Variants in PIGU observed in about 807,000 individuals in gnomAD.
PIGU encodes the protein GPI-anchor transamidase component PIGU.
PIGU carries 24 observed loss-of-function variants against 49.9 expected under a neutral mutation model. That is an observed-to-expected ratio of 0.48 (90% CI 0.35 to 0.68). PIGU has a LOEUF of 0.68. Among genes scored for constraint, PIGU ranks in the 30% least tolerant of loss-of-function variants. PIGU has a pLI of 0.01. For missense variants in PIGU, 490 were observed against 532.6 expected, an observed-to-expected ratio of 0.92 and a Z score of 0.79; for synonymous variants, 220 against 205.7, an observed-to-expected ratio of 1.07 and a Z score of -0.59.
intron 2 of PIGU, among the ~76,000 whole-genome samples, chr20:34,646,414 G>A (rs1364713612): frequency 1.3e-5 from 2 of 151,944 alleles, no homozygotes; most frequent in Non-Finnish European, 2.9e-5. Context: ...GTTTTGATAC[G>A]TTGGATTTTT....
rs141946785 is a variant in PIGU, at chr20:34,606,670, T to C, written c.627+9372A>G. On this transcript the variant is annotated intron_variant, in intron 7 of 11. Transcript: ENST00000217446. Reference sequence around the variant, plus strand: ...TTGTACTGCCTCATGCCAAGCACTATATATATCATGTCAAGTTGTTCCACT... The same window carrying C: ...TTGTACTGCCTCATGCCAAGCACTACATATATCATGTCAAGTTGTTCCACT... Among the ~76,000 whole-genome samples, 4 of 152,366 alleles carry C rather than the reference T, an allele frequency of 2.6e-5. No individual in the cohort carries two copies. The East Asian group carries it at 7.7e-4, about 29-fold the overall frequency.
intron 4 of PIGU, among the ~76,000 whole-genome samples, chr20:34,638,186 T>C (rs899135167): frequency 1.3e-5 from 2 of 152,144 alleles, no homozygotes; most frequent in African/African-American, 4.8e-5. Flanking sequence ...GTCCCTCCTT[T>C]TCCCACACCT....
chr20:34,675,441 G>T (rs956752602), intron 1 of PIGU, among the ~76,000 whole-genome samples: 1 of 152,000 alleles, frequency 6.6e-6, no homozygotes, highest in East Asian at 1.9e-4. Context: ...AAAATAATAC[G>T]CAGAGGTAAC....
chr20:34,634,533 C>A (rs531144942), intron 6 of PIGU, 82 bp downstream of exon 6: 19,905 of 1,338,020 alleles, frequency 0.015, 93 homozygotes, highest in South Asian at 0.034. Context: ...AAAAAAAAAA[C>A]AAAACAAAAC....
intron 7 of PIGU, among the ~76,000 whole-genome samples, chr20:34,601,191 G>A (rs913431291): frequency 6.6e-6 from 1 of 152,124 alleles, no homozygotes; most frequent in Non-Finnish European, 1.5e-5. Context: ...TGCTCTCAGT[G>A]TTAGACTGGA....
chr20:34,663,432 A>G (rs1986988955), intron 1 of PIGU, among the ~76,000 whole-genome samples: 1 of 152,066 alleles, frequency 6.6e-6, no homozygotes. Flanking sequence ...AGTCATGATC[A>G]TGCTACTGCA....
chr20:34,562,655 C>T, intron 11 of PIGU: 1 of 1,013,684 alleles, frequency 9.9e-7, no homozygotes, highest in South Asian at 1.3e-5. Flanking sequence ...ACCTGGAGCA[C>T]TGGACTAATG....
chr20:34,640,537 C>CACACA (rs1555801709), intron 4 of PIGU, among the ~76,000 whole-genome samples: 447 of 35,348 alleles, frequency 0.013, 1 homozygote, highest in Non-Finnish European at 0.02. Context: ...ACACACACAC[C>CACACA]CCTTAAGAAA....
chr20:34,638,180 C>G (rs1288233595), intron 4 of PIGU, among the ~76,000 whole-genome samples, 195 bp from the exon 5 acceptor site: 1 of 152,190 alleles, frequency 6.6e-6, no homozygotes. Flanking sequence ...TGCTGTGTCC[C>G]TCCTTTTCCC....
At chr20:34,638,069 T>C (rs927069215) in intron 4 of PIGU, 84 bp from the exon 5 acceptor site, 1 of 1,480,314 alleles carries the variant, frequency 6.8e-7, no homozygotes. Flanking sequence ...AAAAGTCCTT[T>C]CCATGGCCCA....
At chr20:34,658,148 A>T (rs1036629784) in intron 1 of PIGU, among the ~76,000 whole-genome samples, 5 of 152,168 alleles carry the variant, frequency 3.3e-5, no homozygotes, top group Non-Finnish European at 5.9e-5. Flanking sequence ...GCGCGCCGCC[A>T]CGCCTGACTG....
Position 34,655,006 on chromosome 20 carries a change from A to T in PIGU, c.195+2174T>A, listed in dbSNP as rs1463577093. Among the ~76,000 whole-genome samples, 4 of 114,424 alleles carry T rather than the reference A, an allele frequency of 3.5e-5. 2 individuals are homozygous for T. Among genetic ancestry groups the T allele is most frequent in the Non-Finnish European group, 7.4e-5 (4 of 54,018 alleles). The allele number at this position is 114,424 out of a possible 152,430, so 75.1% of individuals were successfully genotyped here. On this transcript the variant is annotated intron_variant, in intron 2 of 11. Coordinates refer to ENST00000217446, the MANE Select transcript of PIGU (RefSeq NM_080476.5). Reference sequence around the variant, plus strand: ...GGCGACAGAGCGAGACTCTGTCTCAAAAAAAAAAAAAAAATTAAGGCCAAG... The same window carrying T: ...GGCGACAGAGCGAGACTCTGTCTCATAAAAAAAAAAAAAATTAAGGCCAAG...
Position 34,634,655 on chromosome 20 carries a change from G to A in PIGU, c.489C>T (p.Asn163=). The A allele has an allele frequency of 6.2e-7, 1 of 1,613,294 alleles. No individual in the cohort carries two copies. The highest frequency in any genetic ancestry group is 8.5e-7 in the Non-Finnish European group (1 of 1,179,420). The change falls in exon 6 of 12, where the codon AAC becomes AAT. Residue 163 remains asparagine (N), a synonymous_variant. Transcript: ENST00000217446. ...SCVAKSTCAI[N]NTLIAFFILT... ...AAATGAAGAAAGCAATGAGGGTGTT[G>A]TTGATGGCACAGGTAGACTTGGCAA...
chr20:34,619,337 T>C (rs1198948674), intron 6 of PIGU, among the ~76,000 whole-genome samples: 1 of 152,172 alleles, frequency 6.6e-6, no homozygotes, highest in Non-Finnish European at 1.5e-5. Context: ...GATAGGGCAG[T>C]GGCAGTAGTA....
intron 7 of PIGU, among the ~76,000 whole-genome samples, chr20:34,606,126 G>T (rs535344773): frequency 6.6e-6 from 1 of 151,944 alleles, no homozygotes; most frequent in East Asian, 1.9e-4. Flanking sequence ...GTGGTGGCAG[G>T]TGCCTGTAGT....
intron 10 of PIGU, among the ~76,000 whole-genome samples, chr20:34,579,837 C>G (rs1293555562): frequency 6.6e-6 from 1 of 152,240 alleles, no homozygotes; most frequent in Admixed American, 6.5e-5. Context: ...ATTCTGATGA[C>G]TCTGGCTACC....
intron 1 of PIGU, among the ~76,000 whole-genome samples, chr20:34,676,592 C>A (rs756588964): frequency 1.6e-4 from 24 of 152,196 alleles, no homozygotes; most frequent in Non-Finnish European, 2.9e-4. Flanking sequence ...CGATCCCGCC[C>A]CAAATCCCAA....
At chr20:34,638,627 T>C (rs536411105) in intron 4 of PIGU, among the ~76,000 whole-genome samples, 3 of 152,164 alleles carry the variant, frequency 2.0e-5, no homozygotes, top group Non-Finnish European at 4.4e-5. Context: ...TCAAGCAAGG[T>C]AGAATGATCC....
At chr20:34,596,911 CA>C (rs1292898196) in intron 7 of PIGU, among the ~76,000 whole-genome samples, 2 of 151,958 alleles carry the variant, frequency 1.3e-5, no homozygotes, top group Non-Finnish European at 1.5e-5. Context: ...TTCTCAAAAA[CA>C]AAGCAAAATA....
Sources: allele counts gnomAD v4.1 joint callset (sites outside exome capture counted in the v4.1 genomes callset), GRCh38; gene constraint gnomAD v4.1.1; transcripts MANE v1.5; gene names NCBI Gene and HGNC (gene_info 2026-07-23, HGNC 2026-07-21).